PIEZO1: variants seen among roughly 807,000 people sequenced by gnomAD.
The protein encoded by PIEZO1 is piezo type mechanosensitive ion channel component 1 (Er blood group), also known as piezo-type mechanosensitive ion channel component 1.
A neutral mutation model predicts 297.2 loss-of-function variants in PIEZO1; 296 were observed. The ratio of observed to expected loss-of-function variants is 1.00; its 90% CI spans 0.91 to 1.10. The LOEUF is 1.10. PIEZO1 is among the 50% of genes least tolerant of loss of function. The pLI is 0.00. For synonymous variants in PIEZO1, 2,427 were observed against 1,507.5 expected, an observed-to-expected ratio of 1.61 and a Z score of -14.13; for missense variants, 5,018 against 3,455.5, an observed-to-expected ratio of 1.45 and a Z score of -11.34.
In PIEZO1 at chr16:88,741,511, C is replaced by T; in HGVS notation, c.432G>A (p.Arg144=). ...GTGGATGTGGGCTCTGCCGGGTGTT[C>T]CTTGCAAGGCGCCCGCAGATGCCGA... The part of the protein sequence containing the change: ...VCLGICGRLA[R]NTRQSPHPRE... Residue 144 remains arginine, a synonymous_variant, in exon 5 of 51, where the codon AGG becomes AGA. Coordinates refer to ENST00000301015, the MANE Select transcript of PIEZO1 (RefSeq NM_001142864.4). 1.3e-6 allele frequency: 2 copies of T among 1,535,698 alleles called. No homozygotes were observed. The highest frequency in any genetic ancestry group is 1.7e-6 in the Non-Finnish European group (2 of 1,146,762).
At chr16:88,737,276 G>A (rs1404878926) in intron 10 of PIEZO1, 2 of 404,510 alleles carry the variant, frequency 4.9e-6, no homozygotes, top group Non-Finnish European at 9.0e-6. Context: ...TCTGGGGAGG[G>A]GTTGGGGGAC....
intron 32 of PIEZO1, 29 bp downstream of exon 32, chr16:88,723,197 C>T (rs1904295810): frequency 1.9e-6 from 3 of 1,548,956 alleles, no homozygotes; most frequent in Admixed American, 2.0e-5. Context: ...CGCGGCTTCC[C>T]CTCAGAGTCC....
intron 3 of PIEZO1, 40 bp from the exon 4 acceptor site, chr16:88,742,135 C>T: frequency 2.6e-6 from 4 of 1,534,274 alleles, no homozygotes; most frequent in African/African-American, 1.4e-5. Context: ...AGGCTCTGCC[C>T]AGCCAGCACC....
At chr16:88,724,700 G>T (rs1301537039) in intron 30 of PIEZO1, among the ~76,000 whole-genome samples, 6 of 152,106 alleles carry the variant, frequency 3.9e-5, no homozygotes, top group African/African-American at 1.4e-4. Context: ...ATCTCAAAAA[G>T]AAACAAAAAC....
At chr16:88,749,507 C>G (rs145849279) in intron 1 of PIEZO1, 28 bp from the exon 2 acceptor site, 2 of 1,496,240 alleles carry the variant, frequency 1.3e-6, no homozygotes, top group Admixed American at 2.0e-5. Context: ...TTAACTAGGT[C>G]GCCAACAGAG....
Position 88,720,216 on chromosome 16 carries a change from A to C in PIEZO1, c.6017T>G (p.Val2006Gly). 12 of 1,550,558 alleles carry C rather than the reference A, an allele frequency of 7.7e-6. No homozygotes were observed. Among genetic ancestry groups the C allele is most frequent in the Non-Finnish European group, 1.0e-5 (12 of 1,146,974 alleles). ...GGTACTGAACTGGATCAGCAGCATG[A>C]CCAGGAAAGCCTCGGGTACCTGGTC... ...SDDQVPEAFL[V>G]MLLIQFSTMV... The change falls in exon 42 of 51, where the codon GTC (valine) becomes GGC (glycine). Residue 2006 changes from valine to glycine, a missense_variant. Transcript: ENST00000301015.
Position 88,733,734 on chromosome 16 carries a change from A to T in PIEZO1, c.2341T>A (p.Trp781Arg). ...ATQVPEGAAK[W>R]GLVAERLLEL... ...AGCAGCCGCTCAGCCACCAGGCCCC[A>T]CTTGGCTGCCCCTGTGATGGTGTGA... The change falls in exon 18 of 51, where the codon TGG becomes AGG. Residue 781 changes from tryptophan (W) to arginine (R), a missense_variant. Physicochemically the swap from Trp to Arg is moderately radical, Grantham distance 101 (BLOSUM62 -3). Transcript: ENST00000301015. 6.5e-7 allele frequency: 1 copy of T among 1,544,802 alleles called. No homozygotes were observed. The highest frequency in any genetic ancestry group is 8.7e-7 in the Non-Finnish European group (1 of 1,143,878).
intron 39 of PIEZO1, 48 bp from the exon 40 acceptor site, chr16:88,720,796 T>C: frequency 1.4e-6 from 2 of 1,448,744 alleles, no homozygotes; most frequent in African/African-American, 1.4e-5. Flanking sequence ...GGACTGGGCC[T>C]GGCTCATGGC....
In PIEZO1 at chr16:88,727,375, G is replaced by A. The variant is rs137894972; in HGVS notation, c.3301+182C>T. On this transcript the variant is annotated intron_variant, in intron 23 of 50. Transcript: ENST00000301015. ...CCCGGTGTGAGGGCATCTGCACAAG[G>A]GCTGCCGTGCACACAGGCTGAGGTC... is the stretch of plus-strand genomic sequence containing the variant. Among the ~76,000 whole-genome samples, 1,023 of 152,324 alleles carry A rather than the reference G, an allele frequency of 6.7e-3. 11 individuals carry two copies. The highest frequency in any genetic ancestry group is 0.024 in the African/African-American group (980 of 41,560).
intron 30 of PIEZO1, among the ~76,000 whole-genome samples, chr16:88,724,365 T>TA (rs1324117692): frequency 6.6e-6 from 1 of 151,992 alleles, no homozygotes; most frequent in Non-Finnish European, 1.5e-5. Context: ...ACCCCATCTC[T>TA]ACTAAAAATA....
chr16:88,735,173 G>A lies in PIEZO1; in HGVS notation c.1631C>T (p.Ser544Phe). The change falls in exon 13 of 51, where the codon TCT becomes TTT. Residue 544 changes from serine to phenylalanine, a missense_variant. By Grantham distance (155) the Ser-to-Phe change is radical. Transcript: ENST00000301015. The part of the protein sequence containing the change: ...VKEKLLKWAE[S>F]PAALTEVTVA... ...GGTGACCTCCGTCAGCGCAGCTGGA[G>A]ACTCTGCCCACTTCAGCAGCTTCTC... is the stretch of plus-strand genomic sequence containing the variant. 4 of 1,550,364 alleles carry A rather than the reference G, an allele frequency of 2.6e-6. No homozygotes were observed. Among genetic ancestry groups the A allele is most frequent in the South Asian group, 2.4e-5 (2 of 84,062 alleles).
rs777062800 is a variant in PIEZO1 at position 88,721,937 on chromosome 16, G to T, written c.5085C>A (p.Ile1695=). The T allele has an allele frequency of 1.9e-6, 3 of 1,550,076 alleles. No homozygotes were observed. The highest frequency in any genetic ancestry group is 2.6e-6 in the Non-Finnish European group (3 of 1,146,832). The change falls in exon 37 of 51, where the codon ATC becomes ATA. Residue 1695 remains isoleucine (I), a synonymous_variant. Coordinates refer to ENST00000301015, the MANE Select transcript of PIEZO1 (RefSeq NM_001142864.4). ...AHSELLCYFI[I]ILNHMVTASA... is the part of the protein sequence containing the mutation. ...AGGCCGTGACCATGTGGTTGAGGAT[G>T]ATGATGAAGTAGCAGAGCAGCTCCG...
At chr16:88,733,029 C>T (rs578220230) in intron 19 of PIEZO1, 29 of 583,100 alleles carry the variant, frequency 5.0e-5, no homozygotes, top group Middle Eastern at 4.5e-4. Flanking sequence ...GGGGCCCTCC[C>T]GTCCTCACTG....
intron 2 of PIEZO1, among the ~76,000 whole-genome samples, chr16:88,748,800 G>A (rs941878395): frequency 4.6e-5 from 7 of 152,072 alleles, no homozygotes; most frequent in Admixed American, 6.6e-5. Context: ...GGGCGTGGTG[G>A]CTCACACCTG....
chr16:88,737,808 C>G lies in PIEZO1; in HGVS notation c.1027G>C (p.Glu343Gln). ...CGAGCCTCATACCCCTTTGCCGCCT[C>G]CTTCCTCTGCAGAGACCAGCGTCTT... ...RAYRPSGQRK[E>Q]AAKGYEAREL... Residue 343 changes from glutamate (E) to glutamine (Q), a missense_variant, in exon 9 of 51, where the codon GAG (glutamate) becomes CAG (glutamine). Glu to Gln is a conservative substitution (Grantham distance 29). Transcript: ENST00000301015. 6.5e-7 allele frequency: 1 copy of G among 1,535,856 alleles called. No individual in the cohort carries two copies. The highest frequency in any genetic ancestry group is 1.7e-4 in the Middle Eastern group (1 of 5,990).
At chr16:88,762,164 G>C (rs1181009182) in intron 1 of PIEZO1, among the ~76,000 whole-genome samples, 1 of 152,220 alleles carries the variant, frequency 6.6e-6, no homozygotes, top group African/African-American at 2.4e-5. Context: ...AGGGAGCTGG[G>C]TCAGGCAGAG....
At chr16:88,764,450 C>T (rs553332788) in intron 1 of PIEZO1, among the ~76,000 whole-genome samples, 7 of 152,272 alleles carry the variant, frequency 4.6e-5, no homozygotes, top group East Asian at 1.9e-4. Flanking sequence ...GCAGAGATCA[C>T]GCGTCGACAT....
rs1905135265 is a variant in PIEZO1 at position 88,735,286 on chromosome 16, C to T, written c.1558-40G>A. 6.5e-6 allele frequency: 9 copies of T among 1,395,174 alleles called. No individual in the cohort carries two copies. The South Asian group carries it at 1.1e-4, about 17-fold the overall frequency. 86.4% of individuals were successfully genotyped at this position (1,395,174 alleles called of 1,614,324 possible). On this transcript the variant is annotated intron_variant, in intron 12 of 50. Transcript: ENST00000301015. ...GGGTGTCACAGTCAGCCGGGGGGCC[C>T]AGCACCCCTCCCACAGCCGGGGGAC...
At position 88,721,155 on chromosome 16, in the gene PIEZO1, G is replaced by C; in HGVS notation, c.5668+11C>G. 2 of 1,477,358 alleles carry C rather than the reference G, an allele frequency of 1.4e-6. No homozygotes were observed. The highest frequency in any genetic ancestry group is 2.5e-5 in the East Asian group (1 of 40,222). The allele number at this position is 1,477,358 out of a possible 1,614,324, so 91.5% of individuals were successfully genotyped here. A position where few individuals can be genotyped will look rare whatever the true frequency, so the allele number is the denominator to read the frequency against. ...GGGTAGGCAGGAGGTTGTGAGGCAG[G>C]GCGCTTATACCGATGGCTGCCGCTC... is the stretch of plus-strand genomic sequence containing the variant. On this transcript the variant is annotated intron_variant, in intron 39 of 50. Coordinates refer to ENST00000301015, the MANE Select transcript of PIEZO1 (RefSeq NM_001142864.4).
Sources: allele counts gnomAD v4.1 joint callset (sites outside exome capture counted in the v4.1 genomes callset), GRCh38; gene constraint gnomAD v4.1.1; transcripts MANE v1.5; gene names NCBI Gene and HGNC (gene_info 2026-07-23, HGNC 2026-07-21).